The following SETX variants were observed in gnomAD, a reference collection of about 807,000 sequenced individuals.
SETX encodes helicase senataxin.
A neutral mutation model predicts 227.2 loss-of-function variants in SETX; 90 were observed. The ratio of observed to expected loss-of-function variants is 0.40; its 90% CI spans 0.33 to 0.47. The LOEUF is 0.47. SETX is among the 20% of genes least tolerant of loss of function. SETX has a pLI of 0.91. For missense variants in SETX, 3,052 were observed against 3,181.5 expected (o/e 0.96, Z 0.98); for synonymous variants, 1,210 against 1,113.2 (o/e 1.09, Z -1.73).
At position 132,300,688 on chromosome 9, in the gene SETX, T is replaced by C. The variant is rs1396976525; in HGVS notation, c.5490A>G (p.Ile1830Met). ...CAGAATGATATTCGTGGAGATCTTG[T>C]ATGTCATTTCTCTCTGTATCTTTCT... ...EEKKDTERND[I>M]QDLHEYHSGY... is the part of the protein sequence containing the mutation. Residue 1830 changes from isoleucine to methionine, a missense_variant, in exon 12 of 26, where the codon ATA becomes ATG. Physicochemically the swap from Ile to Met is conservative, Grantham distance 10. This residue lies in a region of SETX where 239 missense variants were observed against 272.1 expected (regional missense o/e 0.88). Coordinates refer to ENST00000224140, the MANE Select transcript of SETX (RefSeq NM_015046.7). 1.9e-6 allele frequency: 3 copies of C among 1,613,508 alleles called. No individual in the cohort carries two copies. Among genetic ancestry groups the C allele is most frequent in the Admixed American group, 1.7e-5 (1 of 59,968 alleles).
At chr9:132,283,645 C>G (rs1843667209) in intron 18 of SETX, among the ~76,000 whole-genome samples, 1 of 152,064 alleles carries the variant, frequency 6.6e-6, no homozygotes, top group Non-Finnish European at 1.5e-5. Flanking sequence ...ATGATTTAAG[C>G]ACATTAAAAA....
chr9:132,282,143 G>C (rs943693654), intron 19 of SETX, among the ~76,000 whole-genome samples: 8 of 150,652 alleles, frequency 5.3e-5, no homozygotes, highest in African/African-American at 2.0e-4. Context: ...GCCACCAACG[G>C]GGCCACTACC....
At chr9:132,333,239 T>C (rs1181230948) in intron 7 of SETX, among the ~76,000 whole-genome samples, 5 of 150,376 alleles carry the variant, frequency 3.3e-5, no homozygotes, top group African/African-American at 1.2e-4. Flanking sequence ...ATTAGCCAGG[T>C]ATGGTGGTGC....
rs746807833 is a variant in SETX at position 132,326,998 on chromosome 9, C to A, written c.4600G>T (p.Asp1534Tyr). The A allele has an allele frequency of 1.2e-6, 2 of 1,614,106 alleles. No homozygotes were observed. The highest frequency in any genetic ancestry group is 1.7e-6 in the Non-Finnish European group (2 of 1,180,044). Residue 1534 changes from aspartate to tyrosine, a missense_variant, in exon 10 of 26, where the codon GAT becomes TAT. Physicochemically the swap from Asp to Tyr is radical, Grantham distance 160. Coordinates refer to ENST00000224140, the MANE Select transcript of SETX (RefSeq NM_015046.7). ...HGKDTVEVEE[D>Y]SVSRPQLESL... ...TCCAACTGAGGCCGACTTACAGAAT[C>A]TTCTTCAACCTCAACTGTATCTTTT...
intron 5 of SETX, among the ~76,000 whole-genome samples, chr9:132,339,543 T>C (rs758205677): frequency 1.2e-4 from 18 of 152,218 alleles, no homozygotes; most frequent in Admixed American, 7.2e-4. Flanking sequence ...AACCTAACTA[T>C]GGTTTTTTAG....
Position 132,295,897 on chromosome 9 carries a change from T to C in SETX, c.6081A>G (p.Lys2027=). The stretch of plus-strand genomic sequence containing the variant: ...CTAAAGGATTCTTCTTGTCTTTACA[T>C]TTTTCTTTGAATTCAAGGATAATTT... The part of the protein sequence containing the change: ...MKKIILEFKE[K]CKDKKNPLGN... The change falls in exon 15 of 26, where the codon AAA becomes AAG. Residue 2027 remains lysine, a synonymous_variant. Transcript: ENST00000224140. 6.2e-7 allele frequency: 1 copy of C among 1,613,766 alleles called. No individual in the cohort carries two copies. Among genetic ancestry groups the C allele is most frequent in the Non-Finnish European group, 8.5e-7 (1 of 1,179,738 alleles).
rs1431947407 is a variant in SETX at position 132,346,248 on chromosome 9, T to C, written c.388+13A>G. 1 of 1,593,680 alleles carries C rather than the reference T, an allele frequency of 6.3e-7. No individual in the cohort carries two copies. Among genetic ancestry groups the C allele is most frequent in the Non-Finnish European group, 8.6e-7 (1 of 1,161,656 alleles). On this transcript the variant is annotated intron_variant, in intron 4 of 25. Transcript: ENST00000224140. ...AAAACTGATATAACTTGAGGAACCA[T>C]CAAGATACTCACTAACACGTTCATG...
chr9:132,315,310 CAT>C (rs1845904881), intron 10 of SETX, among the ~76,000 whole-genome samples: 1 of 152,210 alleles, frequency 6.6e-6, no homozygotes, highest in South Asian at 2.1e-4. Context: ...CCTTGACTTA[CAT>C]AAGACAGCCA....
intron 10 of SETX, 91 bp downstream of exon 10, chr9:132,326,233 A>C: frequency 9.4e-7 from 1 of 1,063,754 alleles, no homozygotes; most frequent in African/African-American, 1.6e-5. Context: ...CGCCTGGCTG[A>C]TTTTTTGAAC....
intron 12 of SETX, 22 bp downstream of exon 12, chr9:132,300,608 C>A (rs534688896): frequency 1.2e-6 from 2 of 1,611,306 alleles, no homozygotes; most frequent in South Asian, 2.2e-5. Flanking sequence ...CATTTCCTGT[C>A]AATGCCTCAT....
In SETX at chr9:132,286,415, C is replaced by G. The variant is rs752365500; in HGVS notation, c.6396+8G>C. 7.5e-6 allele frequency: 12 copies of G among 1,596,168 alleles called. No homozygotes were observed. In the East Asian group the frequency reaches 2.5e-4, roughly 33 times the overall value. Reference sequence around the variant, plus strand: ...AAATCAAGAAAATGCTACAGGTGAACTACTTACCTCTTTAATTTTAGAAGC... The same window carrying G: ...AAATCAAGAAAATGCTACAGGTGAAGTACTTACCTCTTTAATTTTAGAAGC... On this transcript the variant is annotated splice_region_variant and intron_variant, in intron 18 of 25. Coordinates refer to ENST00000224140, the MANE Select transcript of SETX (RefSeq NM_015046.7).
intron 4 of SETX, among the ~76,000 whole-genome samples, chr9:132,345,747 T>C (rs118167293): frequency 0.031 from 4,771 of 152,326 alleles, 132 homozygotes; most frequent in Non-Finnish European, 0.044. Context: ...CCAGGCATAG[T>C]GGCTCGTGCC....
In SETX at chr9:132,320,518, C is replaced by T. The variant is rs752115840; in HGVS notation, c.5274+5806G>A. Among the ~76,000 whole-genome samples, 8 of 150,136 alleles carry T rather than the reference C, an allele frequency of 5.3e-5. No individual in the cohort carries two copies. The Admixed American group carries it at 5.4e-4, about 10-fold the overall frequency. ...TTGAGGAGGGAAAATGGTGTGAACC[C>T]GGGAGGCAGAGCTTGCAGTGAGCCA... On this transcript the variant is annotated intron_variant, in intron 10 of 25. Transcript: ENST00000224140.
Position 132,328,644 on chromosome 9 carries a change from G to T in SETX, c.2954C>A (p.Ser985Ter), listed in dbSNP as rs557074957. The change falls in exon 10 of 26, where the codon TCG becomes TAG. Residue 985 changes from serine to a stop codon, truncating the protein, a stop_gained. Transcript: ENST00000224140. LOFTEE classifies it high-confidence loss of function. Reference sequence around the variant, plus strand: ...TTCTTTTACTTTCCTTTGCAGCTGCGATGAGTTCTGAGGTGAATCGGATGG... The same window carrying T: ...TTCTTTTACTTTCCTTTGCAGCTGCTATGAGTTCTGAGGTGAATCGGATGG... ...TFPSDSPQNS[S>*]QLQRKVKEDK... 6.2e-7 allele frequency: 1 copy of T among 1,613,024 alleles called. No individual in the cohort carries two copies. Among genetic ancestry groups the T allele is most frequent in the Non-Finnish European group, 8.5e-7 (1 of 1,179,604 alleles).
intron 10 of SETX, among the ~76,000 whole-genome samples, chr9:132,324,885 C>A (rs1292855050): frequency 6.6e-6 from 1 of 152,178 alleles, no homozygotes; most frequent in East Asian, 1.9e-4. Context: ...AACACACACA[C>A]AAAAATCCTT....
At chr9:132,290,340 GC>G (rs1391225591) in intron 15 of SETX, among the ~76,000 whole-genome samples, 1 of 151,836 alleles carries the variant, frequency 6.6e-6, no homozygotes, top group African/African-American at 2.4e-5. Context: ...ACTCTGGGAG[GC>G]CAAGGCAGGT....
At chr9:132,320,432 T>C (rs1846246341) in intron 10 of SETX, among the ~76,000 whole-genome samples, 1 of 151,608 alleles carries the variant, frequency 6.6e-6, no homozygotes, top group African/African-American at 2.4e-5. Context: ...AAACAAAAAT[T>C]AGCCAGACGT....
chr9:132,354,121 GT>G (rs1393027397), intron 1 of SETX, among the ~76,000 whole-genome samples: 1 of 152,208 alleles, frequency 6.6e-6, no homozygotes, highest in Non-Finnish European at 1.5e-5. Flanking sequence ...TTTCACTTGG[GT>G]CGTGCAAATT....
intron 18 of SETX, among the ~76,000 whole-genome samples, chr9:132,285,757 G>A (rs1843828634): frequency 6.6e-6 from 1 of 150,738 alleles, no homozygotes; most frequent in Non-Finnish European, 1.5e-5. Flanking sequence ...GCGCACACCT[G>A]TAGTCCCAGC....
Sources: gnomAD v4.1 joint callset for allele counts (sites outside exome capture counted in the v4.1 genomes callset) on GRCh38, gnomAD v4.1.1 for gene constraint, gnomAD v4.1.1 regional missense constraint, MANE v1.5 for transcripts, NCBI Gene and HGNC (gene_info 2026-07-23, HGNC 2026-07-21) for gene names.